Variants in ABI3BP observed in about 807,000 individuals in gnomAD.
ABI3BP encodes target of Nesh-SH3.
Under a neutral mutation model 268.6 loss-of-function variants are expected in ABI3BP, and 216 were observed. The ratio of observed to expected loss-of-function variants is 0.80; its 90% confidence interval spans 0.72 to 0.90. ABI3BP has a LOEUF of 0.90. Among genes scored for constraint, ABI3BP ranks in the 40% least tolerant of loss-of-function variants. ABI3BP has a pLI of 0.00. For synonymous variants in ABI3BP, 730 were observed against 730.0 expected, an observed-to-expected ratio of 1.00 and a Z score of 0.00; for missense variants, 2,090 against 2,182.4, an observed-to-expected ratio of 0.96 and a Z score of 0.84.
intron 4 of ABI3BP, among the ~76,000 whole-genome samples, chr3:100,894,955 A>AAAAAAAC (rs2046788156): frequency 4.9e-5 from 7 of 143,606 alleles, no homozygotes; most frequent in African/African-American, 7.6e-5. Context: ...AAAAAAAAAA[A>AAAAAAAC]AAAAAAAAAA....
intron 2 of ABI3BP, chr3:100,911,967 T>C: frequency 1.1e-6 from 1 of 884,078 alleles, no homozygotes; most frequent in Non-Finnish European, 1.9e-6. Flanking sequence ...ACTTGAGGAA[T>C]TATAAAAGCT....
At chr3:100,937,282 G>A (rs1354153838) in intron 1 of ABI3BP, among the ~76,000 whole-genome samples, 2 of 152,036 alleles carry the variant, frequency 1.3e-5, no homozygotes, top group African/African-American at 4.8e-5. Flanking sequence ...TTGGGAAAAT[G>A]CTTGCCAGTT....
chr3:100,847,496 C>T (rs564905034), intron 19 of ABI3BP, 106 bp downstream of exon 19: 51 of 977,360 alleles, frequency 5.2e-5, no homozygotes, highest in South Asian at 3.5e-4. Context: ...TCAAATGAAC[C>T]GTTTTGAGTA....
chr3:100,862,676 G>A (rs2153171069), intron 13 of ABI3BP, 162 bp downstream of exon 13: 1 of 620,152 alleles, frequency 1.6e-6, no homozygotes, highest in Non-Finnish European at 2.7e-6. Flanking sequence ...CGAATTTGCA[G>A]AAAATCCAAA....
chr3:100,953,153 CT>C (rs1405937167), intron 1 of ABI3BP, among the ~76,000 whole-genome samples: 7 of 152,154 alleles, frequency 4.6e-5, no homozygotes. Context: ...TCTCCTGTGC[CT>C]ACATAATATC....
At chr3:100,867,443 C>A (rs2099063260) in intron 9 of ABI3BP, among the ~76,000 whole-genome samples, 1 of 151,638 alleles carries the variant, frequency 6.6e-6, no homozygotes, top group Admixed American at 6.6e-5. Context: ...AGATTGAGAC[C>A]ATCCTGACTA....
chr3:100,823,867 C>T (rs1023467319), intron 36 of ABI3BP, among the ~76,000 whole-genome samples: 2 of 152,176 alleles, frequency 1.3e-5, no homozygotes, highest in Non-Finnish European at 2.9e-5. Flanking sequence ...TACAATTACT[C>T]TGTACTTCTG....
intron 63 of ABI3BP, among the ~76,000 whole-genome samples, chr3:100,756,776 G>GTTTTTTTTTTTTTTTTTTTTTTT (rs66981610): frequency 7.7e-6 from 1 of 130,654 alleles, no homozygotes; most frequent in Non-Finnish European, 1.6e-5. Flanking sequence ...TACTTTTTGG[G>GTTTTTTTTTTTTTTTTTTTTTTT]TTTTTTTTTT....
chr3:100,774,522 G>T (rs1232631797), intron 61 of ABI3BP, 83 bp downstream of exon 61: 3 of 1,143,480 alleles, frequency 2.6e-6, no homozygotes, highest in African/African-American at 1.6e-5. Flanking sequence ...AAGATTTGTG[G>T]TTTTTTACAC....
At chr3:100,903,376 T>C (rs1019375763) in intron 2 of ABI3BP, among the ~76,000 whole-genome samples, 1 of 152,250 alleles carries the variant, frequency 6.6e-6, no homozygotes, top group African/African-American at 2.4e-5. Context: ...GCTAATAATT[T>C]ATCAAATAAT....
intron 28 of ABI3BP, among the ~76,000 whole-genome samples, chr3:100,835,176 C>T (rs1315868125): frequency 6.6e-6 from 1 of 152,148 alleles, no homozygotes; most frequent in African/African-American, 2.4e-5. Flanking sequence ...AGTATAAACA[C>T]ATTTTGTTTT....
chr3:100,864,921 A>G lies in ABI3BP; in HGVS notation c.989-14T>C, dbSNP rs562210873. On this transcript the variant is annotated splice_polypyrimidine_tract_variant and intron_variant, in intron 10 of 67. Transcript: ENST00000471714. The stretch of plus-strand genomic sequence containing the variant: ...TTTCAGGAGTCACTGAAAGGTAAAA[A>G]GCACAACTTTACAAATTAAGATAAA... The G allele has an allele frequency of 1.9e-6, 3 of 1,591,068 alleles. No homozygotes were observed. The East Asian group carries it at 6.7e-5, about 36-fold the overall frequency.
At chr3:100,914,782 T>C (rs1263524032) in intron 2 of ABI3BP, among the ~76,000 whole-genome samples, 1 of 152,116 alleles carries the variant, frequency 6.6e-6, no homozygotes, top group Non-Finnish European at 1.5e-5. Context: ...GGCTCTGCCA[T>C]AATTGATCAC....
chr3:100,976,617 T>G (rs2086347081), intron 1 of ABI3BP, among the ~76,000 whole-genome samples: 1 of 152,192 alleles, frequency 6.6e-6, no homozygotes, highest in Non-Finnish European at 1.5e-5. Flanking sequence ...TAATAAGAGA[T>G]GAGAAATTTC....
At position 100,770,731 on chromosome 3, in the gene ABI3BP, C is replaced by T. The variant is rs1190795628; in HGVS notation, c.4741+12G>A. On this transcript the variant is annotated intron_variant, in intron 62 of 67. Coordinates refer to ENST00000471714, the MANE Select transcript of ABI3BP (RefSeq NM_001375547.2). ...GCTTCCCACCATAACAGTCCTCATG[C>T]CATGATCTTACCAGTGACAGTGTCA... 2 of 1,471,658 alleles carry T rather than the reference C, an allele frequency of 1.4e-6. No homozygotes were observed. Among genetic ancestry groups the T allele is most frequent in the Admixed American group, 4.6e-5 (2 of 43,522 alleles). 91.2% of individuals were successfully genotyped at this position (1,471,658 alleles called of 1,614,324 possible). A position where few individuals can be genotyped will look rare whatever the true frequency, so the allele number is the denominator to read the frequency against.
intron 1 of ABI3BP, among the ~76,000 whole-genome samples, chr3:100,990,411 T>C (rs770451796): frequency 1.3e-5 from 2 of 151,866 alleles, no homozygotes; most frequent in Non-Finnish European, 2.9e-5. Context: ...CATTTAGTGG[T>C]GGGGAGGAGA....
At chr3:100,870,197 T>G (rs1409943580) in intron 9 of ABI3BP, among the ~76,000 whole-genome samples, 1 of 152,078 alleles carries the variant, frequency 6.6e-6, no homozygotes, top group East Asian at 1.9e-4. Context: ...AGTGCTTCTG[T>G]GCAGCAAAGG....
Position 100,993,401 on chromosome 3 carries a change from C to T in ABI3BP, c.-17G>A, listed in dbSNP as rs763961798. 5.0e-5 allele frequency: 78 copies of T among 1,550,614 alleles called. No homozygotes were observed. In the South Asian group the frequency reaches 6.4e-4, roughly 13 times the overall value. On this transcript the variant is annotated 5_prime_UTR_variant, in exon 1 of 68. Transcript: ENST00000471714. Reference sequence around the variant, plus strand: ...GGAGAGCATGTTGCATTTGCCACCTCGCATGGGGAATGATGCTGGTGGGTG... The same window carrying T: ...GGAGAGCATGTTGCATTTGCCACCTTGCATGGGGAATGATGCTGGTGGGTG...
intron 1 of ABI3BP, among the ~76,000 whole-genome samples, chr3:100,973,510 T>A (rs1415919797): frequency 6.6e-6 from 1 of 152,202 alleles, no homozygotes; most frequent in Admixed American, 6.5e-5. Context: ...ACCTGTCCAG[T>A]TAGAAGCAGA....
Sources: gnomAD v4.1 joint callset for allele counts (sites outside exome capture counted in the v4.1 genomes callset) on GRCh38, gnomAD v4.1.1 for gene constraint, MANE v1.5 for transcripts, NCBI Gene and HGNC (gene_info 2026-07-23, HGNC 2026-07-21) for gene names.